The following CNTN6 variants were observed in gnomAD, a reference collection of about 807,000 sequenced individuals.
CNTN6 encodes the protein contactin-6.
A neutral mutation model predicts 122.8 loss-of-function variants in CNTN6; 137 were observed. That is an observed-to-expected ratio of 1.12 (90% CI 0.97 to 1.29). The LOEUF (loss-of-function observed/expected upper bound fraction) is 1.29, where lower values mean the gene tolerates loss of function less well. CNTN6 is among the 50% of genes most tolerant of loss of function. CNTN6 has a pLI of 0.00. For missense variants in CNTN6, 1,634 were observed against 1,223.4 expected (o/e 1.34, Z -5.01); for synonymous variants, 570 against 426.0 (o/e 1.34, Z -4.16).
chr3:1,206,993 T>A (rs2093966807), intron 2 of CNTN6, among the ~76,000 whole-genome samples: 1 of 152,124 alleles, frequency 6.6e-6, no homozygotes, highest in Non-Finnish European at 1.5e-5. Flanking sequence ...GGTCTTTGTT[T>A]GTTTGTTTTG....
At position 1,403,361 on chromosome 3, in the gene CNTN6, T is replaced by C. The variant is rs749175137; in HGVS notation, c.3030T>C (p.His1010=). The C allele has an allele frequency of 6.2e-7, 1 of 1,611,470 alleles. No homozygotes were observed. Among genetic ancestry groups the C allele is most frequent in the Non-Finnish European group, 8.5e-7 (1 of 1,178,630 alleles). The change falls in exon 23 of 23, where the codon CAT becomes CAC. Residue 1010 remains histidine, a synonymous_variant. Transcript: ENST00000446702. ...RGIQFLEPST[H]FLSIVIVIFH... ...TTCAATTCTTAGAACCTAGCACCCATTTTCTTTCCATTGTCATTGTGATTT... is the reference window on the plus strand; with the variant it reads ...TTCAATTCTTAGAACCTAGCACCCACTTTCTTTCCATTGTCATTGTGATTT...
chr3:1,098,186 G>A (rs1470601010), intron 1 of CNTN6, among the ~76,000 whole-genome samples: 4 of 151,816 alleles, frequency 2.6e-5, no homozygotes, highest in East Asian at 1.9e-4. Flanking sequence ...GTATACATAT[G>A]TAACTAACCT....
At chr3:1,279,026 G>C (rs9822088) in intron 5 of CNTN6, among the ~76,000 whole-genome samples, 3,962 of 152,242 alleles carry the variant, frequency 0.026, 184 homozygotes, top group African/African-American at 0.09. Flanking sequence ...GGGCTCTATG[G>C]AGAAGCAAAT....
At chr3:1,100,818 T>C (rs891503650) in intron 1 of CNTN6, among the ~76,000 whole-genome samples, 2 of 152,174 alleles carry the variant, frequency 1.3e-5, no homozygotes, top group African/African-American at 4.8e-5. Flanking sequence ...TCTCTCCCAT[T>C]CTTAAGCTCT....
At chr3:1,381,085 G>A (rs9831054) in intron 17 of CNTN6, among the ~76,000 whole-genome samples, 2,376 of 152,118 alleles carry the variant, frequency 0.016, 71 homozygotes, top group African/African-American at 0.054. Context: ...TCTTTCTTGA[G>A]AGAGCACCAT....
chr3:1,263,301 G>C (rs1046225945), intron 4 of CNTN6, among the ~76,000 whole-genome samples: 1 of 152,102 alleles, frequency 6.6e-6, no homozygotes, highest in Non-Finnish European at 1.5e-5. Context: ...TCAACTATGT[G>C]AACACTCTTT....
chr3:1,272,746 T>C (rs1249931290), intron 4 of CNTN6, among the ~76,000 whole-genome samples: 2 of 152,194 alleles, frequency 1.3e-5, no homozygotes, highest in Non-Finnish European at 2.9e-5. Flanking sequence ...TGTCAGGGGC[T>C]GGCACTGTCA....
intron 4 of CNTN6, among the ~76,000 whole-genome samples, chr3:1,275,209 T>C (rs114883598): frequency 0.027 from 4,115 of 152,272 alleles, 81 homozygotes; most frequent in Admixed American, 0.048. Context: ...GATTTCAGCA[T>C]AGTGGCCTCA....
chr3:1,181,289 TACTC>T (rs896008260), intron 2 of CNTN6, among the ~76,000 whole-genome samples: 4 of 152,274 alleles, frequency 2.6e-5, no homozygotes, highest in African/African-American at 4.8e-5. Flanking sequence ...ACAACTCACT[TACTC>T]ACATCCCATG....
chr3:1,274,628 G>A (rs1691986702), intron 4 of CNTN6, among the ~76,000 whole-genome samples: 1 of 152,186 alleles, frequency 6.6e-6, no homozygotes, highest in South Asian at 2.1e-4. Flanking sequence ...GATATGGGAA[G>A]TAATGTAGTT....
chr3:1,325,689 G>A (rs1701436707), intron 8 of CNTN6, 126 bp from the exon 9 acceptor site: 1 of 848,876 alleles, frequency 1.2e-6, no homozygotes. Flanking sequence ...CCCTCAAATC[G>A]TGTGTGTGCA....
intron 6 of CNTN6, among the ~76,000 whole-genome samples, chr3:1,297,552 A>T (rs1696461175): frequency 6.6e-6 from 1 of 152,092 alleles, no homozygotes; most frequent in South Asian, 2.1e-4. Context: ...GTTCTGCTGC[A>T]GAACTACTGT....
intron 7 of CNTN6, among the ~76,000 whole-genome samples, chr3:1,300,075 C>A (rs1696936377): frequency 6.6e-6 from 1 of 151,970 alleles, no homozygotes; most frequent in South Asian, 2.1e-4. Flanking sequence ...CACCCGGGTT[C>A]CCGCCATTCT....
chr3:1,332,604 G>GTC (rs1027141295), intron 11 of CNTN6, among the ~76,000 whole-genome samples: 12 of 151,918 alleles, frequency 7.9e-5, no homozygotes, highest in Non-Finnish European at 1.3e-4. Flanking sequence ...GGCAAGAAGG[G>GTC]TCACTGCTGT....
chr3:1,097,095 T>G (rs1432745370), intron 1 of CNTN6, among the ~76,000 whole-genome samples: 1 of 152,214 alleles, frequency 6.6e-6, no homozygotes, highest in African/African-American at 2.4e-5. Context: ...AAGACTGAGT[T>G]CATCTGCATG....
chr3:1,243,438 C>T (rs1425773117), intron 4 of CNTN6, among the ~76,000 whole-genome samples: 1 of 152,018 alleles, frequency 6.6e-6, no homozygotes, highest in East Asian at 1.9e-4. Context: ...TTAATTAAAT[C>T]CTGTTGTGGG....
At chr3:1,099,174 G>A (rs368625137) in intron 1 of CNTN6, among the ~76,000 whole-genome samples, 6 of 151,968 alleles carry the variant, frequency 3.9e-5, no homozygotes, top group Non-Finnish European at 7.4e-5. Context: ...ACATTTCGCC[G>A]GGCTCAGTGG....
intron 16 of CNTN6, among the ~76,000 whole-genome samples, chr3:1,374,716 C>A (rs892912751): frequency 3.3e-5 from 5 of 151,970 alleles, no homozygotes; most frequent in African/African-American, 4.8e-5. Flanking sequence ...GTATATAGCC[C>A]ACAAAGTTCA....
chr3:1,283,995 A>G (rs7648782), intron 5 of CNTN6, among the ~76,000 whole-genome samples: 151,548 of 152,336 alleles, frequency 0.99, 75,383 homozygotes, highest in African/African-American at 1. Flanking sequence ...GTGAGATTTC[A>G]TCTCAAAAAG....
Sources: allele counts gnomAD v4.1 joint callset (sites outside exome capture counted in the v4.1 genomes callset), GRCh38; gene constraint gnomAD v4.1.1; transcripts MANE v1.5; gene names NCBI Gene and HGNC (gene_info 2026-07-23, HGNC 2026-07-21).